PGBD2: variants seen among roughly 807,000 people sequenced by gnomAD.
PGBD2 encodes piggyBac transposable element-derived protein 2.
A neutral mutation model predicts 8.1 loss-of-function variants in PGBD2; 6 were observed. The ratio of observed to expected loss-of-function variants is 0.74; its 90% CI spans 0.40 to 1.46. PGBD2 has a LOEUF of 1.46. Among genes scored for constraint, PGBD2 ranks in the 40% most tolerant of loss-of-function variants. The pLI, the probability that PGBD2 is intolerant of heterozygous loss-of-function variation, is 0.02. For missense variants in PGBD2, 802 were observed against 739.0 expected (o/e 1.09, Z -0.99); for synonymous variants, 318 against 272.2 (o/e 1.17, Z -1.66).
chr1:248,874,696 G>A, the PGBD2 span, among the ~76,000 whole-genome samples: 5 of 152,128 alleles, frequency 3.3e-5, no homozygotes, highest in Non-Finnish European at 5.9e-5. Context: ...GCTCCTTAAC[G>A]ACGCTTGAGT....
the PGBD2 span, among the ~76,000 whole-genome samples, chr1:248,927,535 C>G: frequency 6.6e-6 from 1 of 152,228 alleles, no homozygotes; most frequent in African/African-American, 2.4e-5. Context: ...TGGTCCCTCT[C>G]TCAATGACTC....
chr1:248,895,083 G>C, the PGBD2 span, among the ~76,000 whole-genome samples: 1 of 152,124 alleles, frequency 6.6e-6, no homozygotes, highest in Non-Finnish European at 1.5e-5. Context: ...GGAATTATAG[G>C]CTTGAGCCAT....
At chr1:248,880,507 T>C in the PGBD2 span, among the ~76,000 whole-genome samples, 2 of 152,232 alleles carry the variant, frequency 1.3e-5, no homozygotes, top group African/African-American at 4.8e-5. Context: ...AATGATCATG[T>C]TCTATATTCA....
At chr1:248,887,450 G>T in the PGBD2 span, among the ~76,000 whole-genome samples, 1 of 152,100 alleles carries the variant, frequency 6.6e-6, no homozygotes, top group African/African-American at 2.4e-5. Context: ...TTAAATAGAG[G>T]ACATGCATTT....
downstream of PGBD2, among the ~76,000 whole-genome samples, chr1:248,922,420 C>T (rs1662305116): frequency 6.6e-6 from 1 of 152,162 alleles, no homozygotes; most frequent in Non-Finnish European, 1.5e-5. Flanking sequence ...CATTTGACTT[C>T]CTCTCTTCCT....
the PGBD2 span, among the ~76,000 whole-genome samples, chr1:248,893,013 G>T: frequency 6.6e-5 from 10 of 152,208 alleles, no homozygotes; most frequent in African/African-American, 2.4e-4. Flanking sequence ...CTGGAAGTCT[G>T]TTGTGGTCTT....
At chr1:248,875,253 A>ATG in the PGBD2 span, among the ~76,000 whole-genome samples, 1 of 147,232 alleles carries the variant, frequency 6.8e-6, no homozygotes, top group African/African-American at 2.5e-5. Flanking sequence ...CCGAGATCGC[A>ATG]CCACTGCACT....
the PGBD2 span, among the ~76,000 whole-genome samples, chr1:248,927,384 G>A: frequency 2.6e-5 from 4 of 152,200 alleles, no homozygotes; most frequent in African/African-American, 9.7e-5. Context: ...CAGGGCTGAA[G>A]CTGTGTCGAT....
the PGBD2 span, among the ~76,000 whole-genome samples, chr1:248,880,898 AT>A: frequency 6.6e-6 from 1 of 151,772 alleles, no homozygotes; most frequent in East Asian, 1.9e-4. Context: ...ATTAATTGGG[AT>A]TTTTTCCTGT....
the PGBD2 span, among the ~76,000 whole-genome samples, chr1:248,930,166 T>G: frequency 6.6e-5 from 10 of 152,296 alleles, no homozygotes; most frequent in South Asian, 1.9e-3. Context: ...TCATCGCTGC[T>G]CAGCATCATA....
the PGBD2 span, among the ~76,000 whole-genome samples, chr1:248,873,839 C>G: frequency 2.0e-4 from 31 of 152,336 alleles, no homozygotes; most frequent in Non-Finnish European, 3.4e-4. Flanking sequence ...AAGTGAGAAG[C>G]GCTCTGCTTC....
the PGBD2 span, among the ~76,000 whole-genome samples, chr1:248,878,312 TGGGACTAC>T: frequency 1.3e-5 from 2 of 152,108 alleles, no homozygotes; most frequent in Admixed American, 6.6e-5. Context: ...CCCGAGTAGC[TGGGACTAC>T]GGGGCCCGCC....
chr1:248,879,800 G>T, the PGBD2 span, among the ~76,000 whole-genome samples: 2 of 152,106 alleles, frequency 1.3e-5, no homozygotes, highest in African/African-American at 4.8e-5. Flanking sequence ...ATATGTCATT[G>T]TCATTAATTT....
At chr1:248,893,108 A>G in the PGBD2 span, among the ~76,000 whole-genome samples, 1 of 152,228 alleles carries the variant, frequency 6.6e-6, no homozygotes, top group Non-Finnish European at 1.5e-5. Flanking sequence ...AAAATGGCAC[A>G]TAATTAATGT....
intron 1 of PGBD2, among the ~76,000 whole-genome samples, chr1:248,911,283 T>C (rs2103107254): frequency 6.6e-6 from 1 of 151,562 alleles, no homozygotes; most frequent in Non-Finnish European, 1.5e-5. Context: ...AGTGTTTGTG[T>C]CCCTGGGTAC....
the PGBD2 span, among the ~76,000 whole-genome samples, chr1:248,885,359 T>TC: frequency 6.6e-6 from 1 of 151,998 alleles, no homozygotes; most frequent in East Asian, 1.9e-4. Context: ...CAGACTGGTC[T>TC]TGAACTCCTA....
At position 248,918,840 on chromosome 1, in the gene PGBD2, G is replaced by A. The variant is rs1662215620; in HGVS notation, c.*477G>A. 6.0e-6 allele frequency: 1 copy of A among 166,906 alleles called. No homozygotes were observed. Among genetic ancestry groups the A allele is most frequent in the Admixed American group, 6.5e-5 (1 of 15,272 alleles). 10.3% of individuals were successfully genotyped at this position (166,906 alleles called of 1,614,324 possible). ...AAACTTTTGAGGGATAATCTGCCTT[G>A]TATTTAGTCAGAGGGCTAGAGGTGC... On this transcript the variant is annotated 3_prime_UTR_variant, in exon 3 of 3. Transcript: ENST00000329291.
chr1:248,913,691 C>T (rs371403646), intron 1 of PGBD2, 125 bp from the exon 2 acceptor site: 2 of 651,314 alleles, frequency 3.1e-6, no homozygotes, highest in Non-Finnish European at 5.5e-6. Context: ...ACCAGTCGAC[C>T]CAGACACTAT....
At chr1:248,915,469 AC>A (rs1271762605) in intron 2 of PGBD2, among the ~76,000 whole-genome samples, 2 of 152,228 alleles carry the variant, frequency 1.3e-5, no homozygotes, top group Non-Finnish European at 2.9e-5. Flanking sequence ...TTTTTTCCCA[AC>A]CATAGGCTAA....
Sources: gnomAD v4.1 joint callset for allele counts (sites outside exome capture counted in the v4.1 genomes callset) on GRCh38, gnomAD v4.1.1 for gene constraint, MANE v1.5 for transcripts, NCBI Gene and HGNC (gene_info 2026-07-23, HGNC 2026-07-21) for gene names.